Variants in EVA1A observed in about 807,000 individuals in gnomAD.
The protein encoded by EVA1A is protein eva-1 homolog A.
A neutral mutation model predicts 9.8 loss-of-function variants in EVA1A; 7 were observed. The ratio of observed to expected loss-of-function variants is 0.71; its 90% CI spans 0.41 to 1.34. The LOEUF (loss-of-function observed/expected upper bound fraction) is 1.34, where lower values mean the gene tolerates loss of function less well. EVA1A is among the 40% of genes most tolerant of loss of function. The probability of loss-of-function intolerance (pLI) is 0.01; values close to 1 mark genes in which losing one functional copy is unlikely to be tolerated. For synonymous variants in EVA1A, 90 were observed against 85.6 expected (o/e 1.05, Z -0.28); for missense variants, 206 against 205.9 (o/e 1.00, Z 0.00).
At chr2:75,559,778 G>C (rs1367365333) in intron 1 of EVA1A, among the ~76,000 whole-genome samples, 2 of 151,754 alleles carry the variant, frequency 1.3e-5, no homozygotes, top group Non-Finnish European at 2.9e-5. Flanking sequence ...GACTTGAAGT[G>C]TATGTGTGGT....
At chr2:75,515,732 A>G (rs576358498) in intron 3 of EVA1A, among the ~76,000 whole-genome samples, 53 of 152,200 alleles carry the variant, frequency 3.5e-4, no homozygotes, top group Non-Finnish European at 6.2e-4. Context: ...TTTCCAATAA[A>G]TGATCTTGAG....
chr2:75,507,514 C>T (rs1274480346), intron 3 of EVA1A, among the ~76,000 whole-genome samples: 1 of 152,104 alleles, frequency 6.6e-6, no homozygotes, highest in African/African-American at 2.4e-5. Context: ...CAGAGGGGGC[C>T]TCTGGAAGCC....
intron 1 of EVA1A, among the ~76,000 whole-genome samples, chr2:75,546,837 GA>G (rs1436927698): frequency 1.1e-4 from 15 of 141,004 alleles, no homozygotes; most frequent in Non-Finnish European, 2.0e-4. Context: ...TTATAAAAAG[GA>G]AATTTGGACA....
At chr2:75,498,153 A>C (rs1278111511) in intron 3 of EVA1A, among the ~76,000 whole-genome samples, 1 of 152,206 alleles carries the variant, frequency 6.6e-6, no homozygotes, top group Non-Finnish European at 1.5e-5. Context: ...AGCAGCCATA[A>C]AAGGAATAAA....
chr2:75,551,141 C>CAA (rs199733852), intron 1 of EVA1A, among the ~76,000 whole-genome samples: 1 of 151,348 alleles, frequency 6.6e-6, no homozygotes, highest in African/African-American at 2.4e-5. Flanking sequence ...CAAAACAAAA[C>CAA]AAAAAAAACC....
rs190978809 is a variant in EVA1A at position 75,494,421 on chromosome 2, A to G, written c.86-812T>C. Reference sequence around the variant, plus strand: ...GGGTGATTCTAAGATTAGGTTACATAAGACTGTGATTTTGTCTTGTTCTCT... The same window carrying G: ...GGGTGATTCTAAGATTAGGTTACATGAGACTGTGATTTTGTCTTGTTCTCT... On this transcript the variant is annotated intron_variant, in intron 3 of 3. Transcript: ENST00000393913. Among the ~76,000 whole-genome samples the G allele has an allele frequency of 3.6e-3, 545 of 152,298 alleles. 5 individuals carry two copies. The highest frequency in any genetic ancestry group is 4.7e-3 in the Non-Finnish European group (321 of 68,016).
chr2:75,561,978 A>T (rs2104001117), upstream of EVA1A, among the ~76,000 whole-genome samples: 1 of 152,246 alleles, frequency 6.6e-6, no homozygotes. Context: ...GATGACTAGA[A>T]TCCCAGAGTG....
At chr2:75,542,998 C>T (rs560704943) in intron 1 of EVA1A, among the ~76,000 whole-genome samples, 3 of 152,226 alleles carry the variant, frequency 2.0e-5, no homozygotes, top group South Asian at 2.1e-4. Flanking sequence ...CCACAGGGAA[C>T]ATTAGCCTGC....
intron 3 of EVA1A, 87 bp from the exon 4 acceptor site, chr2:75,493,696 AC>A: frequency 1.5e-6 from 2 of 1,303,852 alleles, no homozygotes; most frequent in Non-Finnish European, 1.0e-6. Flanking sequence ...TACACTTCTC[AC>A]CAGGCCCCAA....
chr2:75,545,860 C>T (rs1182618722), intron 1 of EVA1A, among the ~76,000 whole-genome samples: 2 of 152,012 alleles, frequency 1.3e-5, no homozygotes, highest in Admixed American at 6.5e-5. Flanking sequence ...AGGAAGGGGT[C>T]ATAGCTTCCT....
Position 75,493,118 on chromosome 2 carries a change from G to GC in EVA1A, c.*117dup. On this transcript the variant is annotated 3_prime_UTR_variant, in exon 4 of 4. Coordinates refer to ENST00000393913, the MANE Select transcript of EVA1A (RefSeq NM_001135032.2). Reference sequence around the variant, plus strand: ...CCTGGCTAGAAAAGGGGCATGTCCTGCTTTTTCTCTGAAATCACAATATTA... The same window carrying GC: ...CCTGGCTAGAAAAGGGGCATGTCCTGCCTTTTTCTCTGAAATCACAATATTA... 1 of 1,418,274 alleles carries GC rather than the reference G, an allele frequency of 7.1e-7. No individual in the cohort carries two copies. The highest frequency in any genetic ancestry group is 9.5e-7 in the Non-Finnish European group (1 of 1,052,682). 87.9% of individuals were successfully genotyped at this position (1,418,274 alleles called of 1,614,324 possible).
chr2:75,493,207 T>A lies in EVA1A; in HGVS notation c.*29A>T. The A allele has an allele frequency of 1.3e-6, 2 of 1,584,402 alleles. No individual in the cohort carries two copies. Among genetic ancestry groups the A allele is most frequent in the Non-Finnish European group, 1.7e-6 (2 of 1,164,544 alleles). On this transcript the variant is annotated 3_prime_UTR_variant, in exon 4 of 4. Transcript: ENST00000393913. ...CAGACGCTCTCCTTTCCAGGCGGCC[T>A]CCAGTGGTTTCCGGGGTCCTGCTGC...
chr2:75,564,736 T>C (rs913653590), upstream of EVA1A, among the ~76,000 whole-genome samples: 1 of 152,212 alleles, frequency 6.6e-6, no homozygotes, highest in African/African-American at 2.4e-5. Context: ...TAGACAAGAC[T>C]CTAGCCACAT....
chr2:75,544,288 C>T (rs1676247019), intron 1 of EVA1A, among the ~76,000 whole-genome samples: 2 of 152,178 alleles, frequency 1.3e-5, no homozygotes, highest in African/African-American at 4.8e-5. Flanking sequence ...AGGAAGGGCT[C>T]AGGGACTTCC....
chr2:75,538,794 A>G lies in EVA1A; in HGVS notation c.-191-16307T>C, dbSNP rs543755430. On this transcript the variant is annotated intron_variant, in intron 1 of 3. Coordinates refer to ENST00000393913, the MANE Select transcript of EVA1A (RefSeq NM_001135032.2). ...TATACAACATTCTTGAAATGACAAA[A>G]TTATAGAAATAGGGAATAAATTAGT... 3.3e-5 allele frequency among the ~76,000 whole-genome samples: 5 copies of G among 152,378 alleles called. No individual in the cohort carries two copies. The East Asian group carries it at 5.8e-4, about 18-fold the overall frequency.
At chr2:75,555,301 A>ATCTCTCTCTCTCTCTCTCTC (rs58092436) in intron 1 of EVA1A, among the ~76,000 whole-genome samples, 772 of 57,052 alleles carry the variant, frequency 0.014, 83 homozygotes, top group South Asian at 0.016. Flanking sequence ...TCAAAACTCA[A>ATCTCTCTCTCTCTCTCTCTC]TCTCTCTCTC....
chr2:75,521,441 C>A (rs1158405682), intron 2 of EVA1A, among the ~76,000 whole-genome samples: 2 of 152,190 alleles, frequency 1.3e-5, no homozygotes, highest in South Asian at 4.1e-4. Flanking sequence ...CCCAAATGTC[C>A]ATCCACAGAT....
At chr2:75,523,885 G>T (rs1271493318) in intron 1 of EVA1A, among the ~76,000 whole-genome samples, 1 of 152,120 alleles carries the variant, frequency 6.6e-6, no homozygotes, top group Non-Finnish European at 1.5e-5. Flanking sequence ...GTTTGGCTGT[G>T]TCCCCACTGA....
Position 75,531,975 on chromosome 2 carries a change from C to T in EVA1A, c.-191-9488G>A, listed in dbSNP as rs914626497. On this transcript the variant is annotated intron_variant, in intron 1 of 3. Transcript: ENST00000393913. ...AAGATCGCGACCATCCTGGCTAACA[C>T]GGTGAAACCCCGTCTCTACTAAAAA... Among the ~76,000 whole-genome samples, 8 of 151,988 alleles carry T rather than the reference C, an allele frequency of 5.3e-5. No individual in the cohort carries two copies. The East Asian group carries it at 7.7e-4, about 15-fold the overall frequency.
Sources: gnomAD v4.1 joint callset for allele counts (sites outside exome capture counted in the v4.1 genomes callset) on GRCh38, gnomAD v4.1.1 for gene constraint, MANE v1.5 for transcripts, NCBI Gene and HGNC (gene_info 2026-07-23, HGNC 2026-07-21) for gene names.